The following PARD3B variants were observed in gnomAD, a reference collection of about 807,000 sequenced individuals.
The protein encoded by PARD3B is par-3 family cell polarity regulator beta.
A neutral mutation model predicts 130.2 loss-of-function variants in PARD3B; 103 were observed. The ratio of observed to expected loss-of-function variants is 0.79; its 90% CI spans 0.67 to 0.93. PARD3B has a LOEUF of 0.93. PARD3B is among the 40% of genes least tolerant of loss of function. PARD3B has a pLI of 0.00. For synonymous variants in PARD3B, 583 were observed against 553.2 expected (o/e 1.05, Z -0.76); for missense variants, 1,609 against 1,499.2 (o/e 1.07, Z -1.21).
intron 19 of PARD3B, among the ~76,000 whole-genome samples, chr2:205,430,932 G>T (rs2047311089): frequency 6.6e-6 from 1 of 152,092 alleles, no homozygotes; most frequent in African/African-American, 2.4e-5. Context: ...AGGAATAATT[G>T]TTAATTTTTA....
Position 205,300,857 on chromosome 2 carries a change from A to C in PARD3B, c.2392+121A>C. The C allele has an allele frequency of 9.5e-7, 1 of 1,056,292 alleles. No homozygotes were observed. The highest frequency in any genetic ancestry group is 1.3e-6 in the Non-Finnish European group (1 of 750,786). 65.4% of individuals were successfully genotyped at this position (1,056,292 alleles called of 1,614,324 possible). A position where few individuals can be genotyped will look rare whatever the true frequency, so the allele number is the denominator to read the frequency against. On this transcript the variant is annotated intron_variant, in intron 17 of 22. Coordinates refer to ENST00000406610, the MANE Select transcript of PARD3B (RefSeq NM_001302769.2). The surrounding 1 kb of genome is among the most constrained non-coding windows in gnomAD (Gnocchi z 4.1). ...TAAGGATCACAATTATATTTTTGATATTAAAAGTAATTCATTTTCCTGATA... is the reference window on the plus strand; with the variant it reads ...TAAGGATCACAATTATATTTTTGATCTTAAAAGTAATTCATTTTCCTGATA...
At chr2:204,989,304 G>C (rs1370336803) in intron 3 of PARD3B, among the ~76,000 whole-genome samples, 1 of 152,096 alleles carries the variant, frequency 6.6e-6, no homozygotes, top group Non-Finnish European at 1.5e-5. Context: ...ATGTAAGGTA[G>C]GGAAAAATTG....
At chr2:205,408,992 A>G (rs191357520) in intron 19 of PARD3B, among the ~76,000 whole-genome samples, 2 of 152,260 alleles carry the variant, frequency 1.3e-5, no homozygotes, top group East Asian at 3.9e-4. Context: ...AAAAATGTGT[A>G]TTTGAATAAG....
chr2:204,948,324 T>G (rs961345328), intron 2 of PARD3B, among the ~76,000 whole-genome samples: 1 of 152,228 alleles, frequency 6.6e-6, no homozygotes, highest in African/African-American at 2.4e-5. Flanking sequence ...ATTAAATTAG[T>G]GAGAATATAG....
intron 3 of PARD3B, among the ~76,000 whole-genome samples, chr2:204,989,485 A>G (rs1693458351): frequency 6.6e-6 from 1 of 152,160 alleles, no homozygotes; most frequent in African/African-American, 2.4e-5. Context: ...ATGTATGAAG[A>G]GAAGCAACGC....
chr2:204,716,449 G>A (rs938102617), intron 2 of PARD3B, among the ~76,000 whole-genome samples: 13 of 151,936 alleles, frequency 8.6e-5, no homozygotes, highest in Admixed American at 5.9e-4. Context: ...ATGTAGTGAG[G>A]GAGATTTTAA....
rs1467256719 is a variant in PARD3B at position 205,405,605 on chromosome 2, AT to A, written c.2741+4489del. Among the ~76,000 whole-genome samples, 1 of 152,120 alleles carries A rather than the reference AT, an allele frequency of 6.6e-6. No homozygotes were observed. The highest frequency in any genetic ancestry group is 2.4e-5 in the African/African-American group (1 of 41,420). ...CCATCAATCTAAGCTTGCAAGAATA[AT>A]TTTTTTCGTTAAAATTTATTTTTAA... On this transcript the variant is annotated intron_variant, in intron 19 of 22. Coordinates refer to ENST00000406610, the MANE Select transcript of PARD3B (RefSeq NM_001302769.2). The surrounding 1 kb of genome is among the most constrained non-coding windows in gnomAD (Gnocchi z 4.1).
chr2:205,304,812 G>T (rs915050650), intron 18 of PARD3B, among the ~76,000 whole-genome samples: 1 of 152,116 alleles, frequency 6.6e-6, no homozygotes, highest in Non-Finnish European at 1.5e-5. Flanking sequence ...GGGCATGGTG[G>T]CATGTGCCTA....
rs2036506984 is a variant in PARD3B at position 204,675,783 on chromosome 2, A to G, written c.121-10398A>G. Among the ~76,000 whole-genome samples the G allele has an allele frequency of 6.6e-6, 1 of 152,226 alleles. No homozygotes were observed. Among genetic ancestry groups the G allele is most frequent in the Admixed American group, 6.5e-5 (1 of 15,290 alleles). ...TAGGAAGTGAAATATATGTCTCAAT[A>G]CTTAAATATTTTTCTATTTGAAAAA... On this transcript the variant is annotated intron_variant, in intron 1 of 22. Coordinates refer to ENST00000406610, the MANE Select transcript of PARD3B (RefSeq NM_001302769.2). This position sits in a 1 kb window ranked among gnomAD's most constrained non-coding sequence, Gnocchi z 4.4.
intron 14 of PARD3B, among the ~76,000 whole-genome samples, chr2:205,192,983 G>T (rs72936131): frequency 6.6e-6 from 1 of 152,218 alleles, no homozygotes; most frequent in Non-Finnish European, 1.5e-5. Context: ...ACACGATATT[G>T]CCCAGAGAAT....
At chr2:204,568,714 G>C (rs1330483713) in intron 1 of PARD3B, among the ~76,000 whole-genome samples, 1 of 152,056 alleles carries the variant, frequency 6.6e-6, no homozygotes, top group African/African-American at 2.4e-5. Context: ...CAGAACTATG[G>C]GAGGCCCAGG....
intron 2 of PARD3B, among the ~76,000 whole-genome samples, chr2:204,877,513 G>A (rs2045891079): frequency 1.3e-5 from 2 of 152,162 alleles, no homozygotes; most frequent in African/African-American, 2.4e-5. Context: ...TAGCGTATGT[G>A]CAGTTTTTGA....
intron 15 of PARD3B, among the ~76,000 whole-genome samples, chr2:205,236,346 C>G (rs534316917): frequency 1.3e-5 from 2 of 152,166 alleles, no homozygotes; most frequent in South Asian, 4.2e-4. Flanking sequence ...TTCTATGAAG[C>G]CAACATTACT....
At chr2:204,782,864 A>G (rs752375040) in intron 2 of PARD3B, among the ~76,000 whole-genome samples, 6 of 152,062 alleles carry the variant, frequency 3.9e-5, no homozygotes, top group Non-Finnish European at 8.8e-5. Flanking sequence ...GTTATTAATG[A>G]TAATTGGAGC....
At chr2:204,688,488 G>A (rs1448780429) in intron 2 of PARD3B, among the ~76,000 whole-genome samples, 1 of 148,982 alleles carries the variant, frequency 6.7e-6, no homozygotes, top group African/African-American at 2.5e-5. Context: ...GCTGAGGCAC[G>A]AGAATCAATT....
chr2:204,683,463 A>G (rs1390174611), intron 1 of PARD3B, among the ~76,000 whole-genome samples: 2 of 152,160 alleles, frequency 1.3e-5, no homozygotes, highest in Non-Finnish European at 2.9e-5. Flanking sequence ...AATGGTTGAA[A>G]TTTTTACATG....
intron 2 of PARD3B, among the ~76,000 whole-genome samples, chr2:204,743,178 GA>G (rs2040078014): frequency 6.6e-6 from 1 of 152,130 alleles, no homozygotes; most frequent in Non-Finnish European, 1.5e-5. Flanking sequence ...TTGGTTAAAT[GA>G]ATGAAGATTG....
At chr2:204,909,496 A>G (rs1454186431) in intron 2 of PARD3B, among the ~76,000 whole-genome samples, 1 of 152,178 alleles carries the variant, frequency 6.6e-6, no homozygotes, top group Non-Finnish European at 1.5e-5. Flanking sequence ...AGATAAATAT[A>G]AAGTTCAATG....
At chr2:204,858,435 G>C (rs2045044015) in intron 2 of PARD3B, among the ~76,000 whole-genome samples, 2 of 149,658 alleles carry the variant, frequency 1.3e-5, no homozygotes, top group Admixed American at 1.3e-4. Context: ...AGTATATTTT[G>C]CTAAATGAAA....
Sources: allele counts gnomAD v4.1 joint callset (sites outside exome capture counted in the v4.1 genomes callset), GRCh38; gene constraint gnomAD v4.1.1; non-coding constraint Gnocchi (gnomAD v3.1); transcripts MANE v1.5; gene names NCBI Gene and HGNC (gene_info 2026-07-23, HGNC 2026-07-21).